Variants in OSBPL9 observed in about 807,000 individuals in gnomAD.
OSBPL9 encodes the protein oxysterol binding protein like 9, also known as oxysterol-binding protein-related protein 9.
A neutral mutation model predicts 106.6 loss-of-function variants in OSBPL9; 40 were observed. The ratio of observed to expected loss-of-function variants is 0.38; its 90% CI spans 0.29 to 0.49. The LOEUF (loss-of-function observed/expected upper bound fraction) is 0.49. OSBPL9 is among the 20% of genes least tolerant of loss of function. The pLI, the probability that OSBPL9 is intolerant of heterozygous loss-of-function variation, is 0.97. For missense variants in OSBPL9, 609 were observed against 887.2 expected (o/e 0.69, Z 3.98); for synonymous variants, 269 against 295.4 (o/e 0.91, Z 0.92).
At chr1:51,696,466 C>T (rs1441720746) in intron 3 of OSBPL9, among the ~76,000 whole-genome samples, 1 of 152,208 alleles carries the variant, frequency 6.6e-6, no homozygotes, top group Non-Finnish European at 1.5e-5. Context: ...CAGTTTCCCA[C>T]ATCTCCAGCT....
chr1:51,731,056 CT>C (rs751207090), intron 4 of OSBPL9, among the ~76,000 whole-genome samples: 6,196 of 145,590 alleles, frequency 0.043, 140 homozygotes, highest in African/African-American at 0.052. Flanking sequence ...TCCCCCCCAC[CT>C]TTTTTTTTTT....
At chr1:51,619,655 G>A (rs569313039) in intron 1 of OSBPL9, among the ~76,000 whole-genome samples, 1 of 152,236 alleles carries the variant, frequency 6.6e-6, no homozygotes. Flanking sequence ...AAAATAAAAT[G>A]ATACCCAATC....
the OSBPL9 span, among the ~76,000 whole-genome samples, chr1:51,565,134 C>T: frequency 6.6e-6 from 1 of 152,188 alleles, no homozygotes; most frequent in African/African-American, 2.4e-5. Flanking sequence ...GGGCTGGACT[C>T]CAGTTACCTG....
chr1:51,757,750 A>C (rs1196051144), intron 9 of OSBPL9, among the ~76,000 whole-genome samples: 3 of 152,124 alleles, frequency 2.0e-5, no homozygotes, highest in African/African-American at 7.2e-5. Flanking sequence ...CTTGGGTTCA[A>C]ATAAAATAGC....
intron 1 of OSBPL9, among the ~76,000 whole-genome samples, chr1:51,642,596 A>G (rs1374574199): frequency 6.6e-6 from 1 of 152,204 alleles, no homozygotes; most frequent in Non-Finnish European, 1.5e-5. Context: ...ATGAAGGGGA[A>G]ATAGGCAACT....
At chr1:51,523,824 T>C in the OSBPL9 span, among the ~76,000 whole-genome samples, 1 of 152,236 alleles carries the variant, frequency 6.6e-6, no homozygotes. Context: ...ACTTTTATTT[T>C]CTTATTTTCT....
intron 7 of OSBPL9, 135 bp downstream of exon 7, chr1:51,748,533 G>A (rs535400783): frequency 3.6e-5 from 36 of 1,004,188 alleles, no homozygotes; most frequent in Non-Finnish European, 4.6e-5. Flanking sequence ...GGGTGCTTAA[G>A]CATTGTATTT....
upstream of OSBPL9, among the ~76,000 whole-genome samples, chr1:51,575,126 A>G (rs906656369): frequency 6.6e-6 from 1 of 152,198 alleles, no homozygotes; most frequent in Admixed American, 6.6e-5. Flanking sequence ...CCTTCAGGGT[A>G]AACTTTATTT....
At chr1:51,533,522 G>GAA in the OSBPL9 span, among the ~76,000 whole-genome samples, 7 of 146,902 alleles carry the variant, frequency 4.8e-5, no homozygotes, top group African/African-American at 1.7e-4. Context: ...AGAAAGAAAA[G>GAA]AAAAAAAAAG....
chr1:51,725,277 TTTA>T (rs1365807512), intron 4 of OSBPL9, among the ~76,000 whole-genome samples: 1 of 152,166 alleles, frequency 6.6e-6, no homozygotes, highest in Non-Finnish European at 1.5e-5. Flanking sequence ...GCATTTCTTT[TTTA>T]TTCTTTCTTA....
chr1:51,592,554 A>C (rs951750711), intron 1 of OSBPL9, among the ~76,000 whole-genome samples: 1 of 152,198 alleles, frequency 6.6e-6, no homozygotes, highest in Non-Finnish European at 1.5e-5. Context: ...ACAAAAGAAA[A>C]TAAGGTAAAT....
At chr1:51,776,776 G>A in intron 14 of OSBPL9, 57 bp from the exon 15 acceptor site, 1 of 943,588 alleles carries the variant, frequency 1.1e-6, no homozygotes, top group South Asian at 1.6e-5. Flanking sequence ...TTTTTTTTTA[G>A]TCTGTTTATC....
At chr1:51,752,560 T>C (rs1382374522) in intron 8 of OSBPL9, 3 of 455,924 alleles carry the variant, frequency 6.6e-6, no homozygotes, top group Non-Finnish European at 1.3e-5. Context: ...CTGCATGGGC[T>C]GCCATAACAA....
rs1571789788 is a variant in OSBPL9, at chr1:51,784,735, C to T, written c.1829+153C>T. 3.4e-6 allele frequency: 3 copies of T among 891,292 alleles called. No homozygotes were observed. In the East Asian group the frequency reaches 7.9e-5, roughly 23 times the overall value. 55.2% of individuals were successfully genotyped at this position (891,292 alleles called of 1,614,324 possible). A position where few individuals can be genotyped will look rare whatever the true frequency, so the allele number is the denominator to read the frequency against. On this transcript the variant is annotated intron_variant, in intron 20 of 23. Coordinates refer to ENST00000428468, the MANE Select transcript of OSBPL9 (RefSeq NM_024586.6). ...ATGTGTCATGTCTTTTGCTGAAGTC[C>T]CATATCAGAAGAAGACCTAAAACAT...
At chr1:51,539,310 C>T in the OSBPL9 span, among the ~76,000 whole-genome samples, 2 of 152,272 alleles carry the variant, frequency 1.3e-5, no homozygotes, top group African/African-American at 2.4e-5. Flanking sequence ...CTTGATTCTT[C>T]CATTTTCCTC....
chr1:51,600,594 A>G (rs1645321671), intron 2 of OSBPL9, among the ~76,000 whole-genome samples: 1 of 152,188 alleles, frequency 6.6e-6, no homozygotes, highest in South Asian at 2.1e-4. Context: ...TGTAAGTATT[A>G]TGGGCCCTAA....
In OSBPL9 at chr1:51,594,314, A is replaced by G. The variant is rs571981019; in HGVS notation, c.-422-3810A>G. On this transcript the variant is annotated intron_variant, in intron 1 of 25. Coordinates refer to the OSBPL9 transcript ENST00000371714. ...CTACTCAAGAGGCTGAGGCAGGATAATCACTTGAACCTGGGAGGCAGAGGT... is the reference window on the plus strand; with the variant it reads ...CTACTCAAGAGGCTGAGGCAGGATAGTCACTTGAACCTGGGAGGCAGAGGT... Among the ~76,000 whole-genome samples, 6 of 152,254 alleles carry G rather than the reference A, an allele frequency of 3.9e-5. No homozygotes were observed. The East Asian group carries it at 1.2e-3, about 29-fold the overall frequency.
intron 1 of OSBPL9, among the ~76,000 whole-genome samples, chr1:51,625,826 G>A (rs1437049663): frequency 6.6e-6 from 1 of 151,754 alleles, no homozygotes; most frequent in Non-Finnish European, 1.5e-5. Context: ...ATTCAGCCCA[G>A]GATTATTTTA....
intron 14 of OSBPL9, 90 bp downstream of exon 14, chr1:51,772,813 C>A: frequency 2.2e-6 from 2 of 909,362 alleles, no homozygotes; most frequent in Non-Finnish European, 3.7e-6. Flanking sequence ...AGTAAAATGA[C>A]ATAATTTCTT....
Sources: gnomAD v4.1 joint callset for allele counts (sites outside exome capture counted in the v4.1 genomes callset) on GRCh38, gnomAD v4.1.1 for gene constraint, MANE v1.5 for transcripts, NCBI Gene and HGNC (gene_info 2026-07-23, HGNC 2026-07-21) for gene names.